ZNF407: variants seen among roughly 807,000 people sequenced by gnomAD.
ZNF407 encodes zinc finger protein 407.
A neutral mutation model predicts 131.2 loss-of-function variants in ZNF407; 17 were observed. The ratio of observed to expected loss-of-function variants is 0.13; its 90% confidence interval spans 0.09 to 0.19. The LOEUF (loss-of-function observed/expected upper bound fraction) is 0.19, where lower values mean the gene tolerates loss of function less well. Among genes scored for constraint, ZNF407 ranks in the 10% least tolerant of loss-of-function variants. ZNF407 has a pLI of 1.00. For missense variants in ZNF407, 2,681 were observed against 2,830.6 expected, an observed-to-expected ratio of 0.95 and a Z score of 1.20; for synonymous variants, 1,156 against 1,062.0, an observed-to-expected ratio of 1.09 and a Z score of -1.72.
chr18:74,702,154 A>G (rs1967512260), intron 3 of ZNF407, among the ~76,000 whole-genome samples: 1 of 152,168 alleles, frequency 6.6e-6, no homozygotes, highest in East Asian at 1.9e-4. Flanking sequence ...CAGTTTGTAT[A>G]TTATAATATT....
intron 6 of ZNF407, among the ~76,000 whole-genome samples, chr18:74,885,497 A>G (rs999689181): frequency 6.6e-6 from 1 of 152,200 alleles, no homozygotes; most frequent in Non-Finnish European, 1.5e-5. Context: ...ATTAAAATTT[A>G]TATGGAAATT....
At chr18:74,943,106 C>T (rs1451472307) in intron 8 of ZNF407, among the ~76,000 whole-genome samples, 4 of 151,796 alleles carry the variant, frequency 2.6e-5, no homozygotes, top group Non-Finnish European at 4.4e-5. Context: ...TTAGTAGAGA[C>T]GGGGTCTCAC....
chr18:75,016,031 G>C (rs1973040280), intron 8 of ZNF407, among the ~76,000 whole-genome samples: 1 of 152,038 alleles, frequency 6.6e-6, no homozygotes, highest in Admixed American at 6.6e-5. Flanking sequence ...ATGTTCAACT[G>C]TCTGAAAATG....
chr18:74,751,136 A>G lies in ZNF407; in HGVS notation c.4803-30292A>G, dbSNP rs117849941. Among the ~76,000 whole-genome samples the G allele has an allele frequency of 3.0e-3, 456 of 152,054 alleles. 8 individuals carry two copies. The highest frequency in any genetic ancestry group is 0.028 in the East Asian group (147 of 5,172). Reference sequence around the variant, plus strand: ...ACTTCTTTAATTTTCATGAATTTCAATTTACTCTTTTGTCATTTGTGCTTT... The same window carrying G: ...ACTTCTTTAATTTTCATGAATTTCAGTTTACTCTTTTGTCATTTGTGCTTT... On this transcript the variant is annotated intron_variant, in intron 3 of 8. Coordinates refer to ENST00000299687, the MANE Select transcript of ZNF407 (RefSeq NM_017757.3).
intron 3 of ZNF407, among the ~76,000 whole-genome samples, chr18:74,657,344 C>T (rs986420343): frequency 6.6e-6 from 1 of 152,088 alleles, no homozygotes; most frequent in Non-Finnish European, 1.5e-5. Flanking sequence ...GATTTCACTG[C>T]TGAATTTTCT....
intron 3 of ZNF407, among the ~76,000 whole-genome samples, chr18:74,742,850 T>A (rs889106814): frequency 1.3e-5 from 2 of 152,140 alleles, no homozygotes; most frequent in African/African-American, 4.8e-5. Flanking sequence ...GGTTACCTTG[T>A]GCATAGGAGG....
At chr18:74,778,008 G>A (rs779831584) in intron 3 of ZNF407, among the ~76,000 whole-genome samples, 2 of 152,048 alleles carry the variant, frequency 1.3e-5, no homozygotes, top group Non-Finnish European at 1.5e-5. Flanking sequence ...CTTGAACCTC[G>A]GATTTTGAAA....
intron 6 of ZNF407, among the ~76,000 whole-genome samples, chr18:74,883,547 T>G (rs1971267256): frequency 6.6e-6 from 1 of 152,292 alleles, no homozygotes; most frequent in Middle Eastern, 3.4e-3. Flanking sequence ...ACAAAACATC[T>G]TCCATTCTAA....
chr18:74,849,245 A>AT (rs1385130339), intron 4 of ZNF407, among the ~76,000 whole-genome samples: 1 of 151,044 alleles, frequency 6.6e-6, no homozygotes, highest in Non-Finnish European at 1.5e-5. Context: ...CACCCAGATA[A>AT]TTTTTTGTAT....
intron 4 of ZNF407, among the ~76,000 whole-genome samples, chr18:74,793,853 T>TA (rs1305231711): frequency 5.3e-5 from 8 of 152,160 alleles, no homozygotes; most frequent in Admixed American, 6.5e-5. Flanking sequence ...AGTCAGCACG[T>TA]ACTCTTTGTA....
intron 7 of ZNF407, among the ~76,000 whole-genome samples, chr18:74,895,441 A>G (rs1971441632): frequency 6.6e-6 from 1 of 152,110 alleles, no homozygotes; most frequent in African/African-American, 2.4e-5. Context: ...ACCATTTGAT[A>G]TATGTATCGA....
chr18:74,717,547 G>A (rs1002278557), intron 3 of ZNF407, among the ~76,000 whole-genome samples: 1 of 152,116 alleles, frequency 6.6e-6, no homozygotes, highest in East Asian at 1.9e-4. Context: ...TCTTTCGATA[G>A]CCATAGGTAA....
intron 6 of ZNF407, among the ~76,000 whole-genome samples, chr18:74,883,789 T>C (rs188747094): frequency 1.1e-3 from 171 of 152,300 alleles, no homozygotes; most frequent in African/African-American, 4.0e-3. Flanking sequence ...TCCTTATCAA[T>C]GGGGCCTGAG....
intron 4 of ZNF407, among the ~76,000 whole-genome samples, chr18:74,814,742 T>G (rs1970244221): frequency 6.6e-6 from 1 of 152,184 alleles, no homozygotes; most frequent in Non-Finnish European, 1.5e-5. Flanking sequence ...TCTTACTGCG[T>G]AAAATTTTTT....
chr18:74,714,413 A>G (rs1967842193), intron 3 of ZNF407, among the ~76,000 whole-genome samples: 1 of 152,206 alleles, frequency 6.6e-6, no homozygotes, highest in Non-Finnish European at 1.5e-5. Context: ...TATATGAAAG[A>G]CACATTTATG....
chr18:74,918,714 T>C (rs993496180), intron 7 of ZNF407, among the ~76,000 whole-genome samples: 3 of 152,098 alleles, frequency 2.0e-5, no homozygotes, highest in Admixed American at 1.3e-4. Flanking sequence ...CCTTTTTTAT[T>C]TTTTAAAAAG....
chr18:74,990,483 A>G (rs1972705589), intron 8 of ZNF407, among the ~76,000 whole-genome samples: 1 of 152,224 alleles, frequency 6.6e-6, no homozygotes, highest in Non-Finnish European at 1.5e-5. Flanking sequence ...CTATTAAACA[A>G]TTTGAAACTG....
chr18:75,055,000 C>A (rs911978899), intron 8 of ZNF407, among the ~76,000 whole-genome samples: 2 of 152,218 alleles, frequency 1.3e-5, no homozygotes, highest in African/African-American at 4.8e-5. Context: ...GAAGGAGAGG[C>A]CAGGGTGTCT....
At chr18:74,780,888 G>T (rs72973358) in intron 3 of ZNF407, among the ~76,000 whole-genome samples, 24,845 of 151,836 alleles carry the variant, frequency 0.16, 2,347 homozygotes, top group Non-Finnish European at 0.22. Context: ...GTTTGTTTTT[G>T]TTATTGATAT....
Sources: allele counts gnomAD v4.1 joint callset (sites outside exome capture counted in the v4.1 genomes callset), GRCh38; gene constraint gnomAD v4.1.1; transcripts MANE v1.5; gene names NCBI Gene and HGNC (gene_info 2026-07-23, HGNC 2026-07-21).